The following E2F3 variants were observed in gnomAD, a reference collection of about 807,000 sequenced individuals.
The protein encoded by E2F3 is E2F transcription factor 3.
In E2F3, 11 loss-of-function variants were observed where a neutral mutation model predicts 44.4. The ratio of observed to expected loss-of-function variants is 0.25; its 90% CI spans 0.16 to 0.41. E2F3 has a LOEUF of 0.41. E2F3 is among the 10% of genes least tolerant of loss of function. E2F3 has a pLI of 1.00. For synonymous variants in E2F3, 249 were observed against 253.0 expected, an observed-to-expected ratio of 0.98 and a Z score of 0.15; for missense variants, 487 against 583.6, an observed-to-expected ratio of 0.83 and a Z score of 1.70.
At chr6:20,407,438 A>C (rs771650061) in intron 1 of E2F3, among the ~76,000 whole-genome samples, 1 of 152,210 alleles carries the variant, frequency 6.6e-6, no homozygotes, top group East Asian at 1.9e-4. Flanking sequence ...CTTGTGTATT[A>C]CTTGGAAGAA....
At chr6:20,406,655 T>G (rs1182931612) in intron 1 of E2F3, among the ~76,000 whole-genome samples, 1 of 152,194 alleles carries the variant, frequency 6.6e-6, no homozygotes, top group African/African-American at 2.4e-5. Context: ...GCCAAGCATA[T>G]GCCTTGAATT....
intron 1 of E2F3, among the ~76,000 whole-genome samples, chr6:20,457,997 A>G (rs1581624796): frequency 1.3e-5 from 2 of 152,266 alleles, no homozygotes; most frequent in Non-Finnish European, 2.9e-5. Flanking sequence ...TATTTCTTCA[A>G]GATCTTTTTA....
intron 4 of E2F3, among the ~76,000 whole-genome samples, chr6:20,483,598 C>T (rs1020017496): frequency 1.3e-5 from 2 of 152,216 alleles, no homozygotes. Context: ...AAGGTCAGTT[C>T]TTGTTCTCAA....
At chr6:20,445,272 C>T (rs924673982) in intron 1 of E2F3, among the ~76,000 whole-genome samples, 3 of 151,196 alleles carry the variant, frequency 2.0e-5, no homozygotes, top group Non-Finnish European at 4.4e-5. Flanking sequence ...GACAGTCTCA[C>T]TCTGTCCCCC....
chr6:20,403,692 CTCT>C, intron 1 of E2F3: 2 of 614,326 alleles, frequency 3.3e-6, no homozygotes, highest in South Asian at 2.0e-5. Context: ...GCCACCCTCC[CTCT>C]CCTCTCCCCA....
intron 1 of E2F3, among the ~76,000 whole-genome samples, chr6:20,422,172 G>A (rs112201697): frequency 6.6e-6 from 1 of 152,284 alleles, no homozygotes; most frequent in African/African-American, 2.4e-5. Flanking sequence ...CTGTTTCTAT[G>A]TCAGCACTTG....
At chr6:20,467,482 A>G (rs184410086) in intron 1 of E2F3, among the ~76,000 whole-genome samples, 142 of 152,320 alleles carry the variant, frequency 9.3e-4, no homozygotes, top group Non-Finnish European at 1.5e-3. Context: ...AAATGAAACA[A>G]TTCCTTCACA....
intron 1 of E2F3, among the ~76,000 whole-genome samples, chr6:20,462,458 C>CTTT (rs111956411): frequency 7.2e-6 from 1 of 139,424 alleles, no homozygotes; most frequent in Non-Finnish European, 1.6e-5. Flanking sequence ...TTCACTAATT[C>CTTT]TTTTTTTTTT....
chr6:20,487,212 G>A (rs547224075), intron 5 of E2F3, among the ~76,000 whole-genome samples: 1 of 152,168 alleles, frequency 6.6e-6, no homozygotes, highest in African/African-American at 2.4e-5. Flanking sequence ...GATCACATGG[G>A]GCTTTGGGTT....
Position 20,402,075 on chromosome 6 carries a change from G to C in E2F3, c.-158G>C. 1 of 1,307,862 alleles carries C rather than the reference G, an allele frequency of 7.6e-7. No individual in the cohort carries two copies. The highest frequency in any genetic ancestry group is 1.0e-6 in the Non-Finnish European group (1 of 1,003,002). 81.0% of individuals were successfully genotyped at this position (1,307,862 alleles called of 1,614,324 possible). On this transcript the variant is annotated 5_prime_UTR_variant, in exon 1 of 7. Transcript: ENST00000346618. This position sits in a 1 kb window ranked among gnomAD's most constrained non-coding sequence, Gnocchi z 5.6. ...ATTTTTGGCCCCCGGGGCCTGTGCG[G>C]TGCGGAAAAATAAAAAGAAAAGAGA...
At position 20,482,787 on chromosome 6, in the gene E2F3, G is replaced by T. The variant is rs1374008829; in HGVS notation, c.751G>T (p.Gly251Cys). ...WMGCSLSEDG[G>C]MLAQCQGLSK... ...GGGCTGCAGTCTGTCTGAGGATGGG[G>T]GCATGCTGGCCCAGTGTCAAGGCCT... Residue 251 changes from glycine to cysteine, a missense_variant, in exon 4 of 7, where the codon GGC (glycine) becomes TGC (cysteine). Physicochemically the swap from Gly to Cys is radical, Grantham distance 159. Coordinates refer to ENST00000346618, the MANE Select transcript of E2F3 (RefSeq NM_001949.5). 6.2e-7 allele frequency: 1 copy of T among 1,611,722 alleles called. No individual in the cohort carries two copies. The highest frequency in any genetic ancestry group is 1.3e-5 in the African/African-American group (1 of 74,810).
intron 1 of E2F3, among the ~76,000 whole-genome samples, chr6:20,423,666 T>G (rs1760105470): frequency 6.6e-6 from 1 of 152,036 alleles, no homozygotes; most frequent in Admixed American, 6.6e-5. Flanking sequence ...AGACAGGGTT[T>G]TGCCATGTTG....
chr6:20,489,691 A>T (rs917449600), intron 6 of E2F3, among the ~76,000 whole-genome samples: 1 of 151,992 alleles, frequency 6.6e-6, no homozygotes, highest in Non-Finnish European at 1.5e-5. Flanking sequence ...CCAAAGAAAG[A>T]TGGCCAGGCA....
intron 1 of E2F3, among the ~76,000 whole-genome samples, chr6:20,435,734 A>G (rs894412183): frequency 2.6e-5 from 4 of 152,176 alleles, no homozygotes; most frequent in African/African-American, 9.7e-5. Flanking sequence ...CTGGCGACAG[A>G]GGGAGACTCC....
At chr6:20,473,047 T>C (rs966438595) in intron 1 of E2F3, among the ~76,000 whole-genome samples, 2 of 152,222 alleles carry the variant, frequency 1.3e-5, no homozygotes, top group African/African-American at 4.8e-5. Context: ...AGTATGTATA[T>C]AGCTATCTGA....
chr6:20,491,197 G>T lies in E2F3; in HGVS notation c.*767G>T, dbSNP rs920665413. 3.4e-5 allele frequency: 8 copies of T among 232,618 alleles called. No individual in the cohort carries two copies. Among genetic ancestry groups the T allele is most frequent in the African/African-American group, 1.8e-4 (8 of 45,270 alleles). 14.4% of individuals were successfully genotyped at this position (232,618 alleles called of 1,614,324 possible). A position where few individuals can be genotyped will look rare whatever the true frequency, so the allele number is the denominator to read the frequency against. ...GTGTTTGTGAGTTTCCAGTTGATTTGTAGCAAATGCCTACTTAGTTCTTTG... is the reference window on the plus strand; with the variant it reads ...GTGTTTGTGAGTTTCCAGTTGATTTTTAGCAAATGCCTACTTAGTTCTTTG... On this transcript the variant is annotated 3_prime_UTR_variant, in exon 7 of 7. Transcript: ENST00000346618.
chr6:20,477,456 G>A (rs141739657), intron 1 of E2F3, among the ~76,000 whole-genome samples: 2 of 152,148 alleles, frequency 1.3e-5, no homozygotes, highest in South Asian at 4.1e-4. Flanking sequence ...AGGACTAGAG[G>A]TGAGGGTGTG....
intron 3 of E2F3, 144 bp from the exon 4 acceptor site, chr6:20,482,618 A>ATG (rs1267493182): frequency 1.6e-4 from 51 of 310,152 alleles, no homozygotes; most frequent in Admixed American, 6.5e-4. Context: ...ATATATATAT[A>ATG]TATGTGTAAA....
Position 20,401,899 on chromosome 6 carries a change from T to C in E2F3, c.-334T>C. ...CCTTCATTCATTGTCAGCAGCAGCT[T>C]CCTGGAGCCATTTTTCAGCTGCCGG... On this transcript the variant is annotated 5_prime_UTR_variant, in exon 1 of 7. Coordinates refer to ENST00000346618, the MANE Select transcript of E2F3 (RefSeq NM_001949.5). 1 of 382,250 alleles carries C rather than the reference T, an allele frequency of 2.6e-6. No individual in the cohort carries two copies. Among genetic ancestry groups the C allele is most frequent in the Non-Finnish European group, 4.6e-6 (1 of 216,296 alleles). The allele number at this position is 382,250 out of a possible 1,614,324, so 23.7% of individuals were successfully genotyped here.
Sources: allele counts gnomAD v4.1 joint callset (sites outside exome capture counted in the v4.1 genomes callset), GRCh38; gene constraint gnomAD v4.1.1; non-coding constraint Gnocchi (gnomAD v3.1); transcripts MANE v1.5; gene names NCBI Gene and HGNC (gene_info 2026-07-23, HGNC 2026-07-21).